The following NBEA variants were observed in gnomAD, a reference collection of about 807,000 sequenced individuals.
The protein encoded by NBEA is lysosomal-trafficking regulator 2.
NBEA carries 44 observed loss-of-function variants against 343.4 expected under a neutral mutation model. That is an observed-to-expected ratio of 0.13 (90% CI 0.10 to 0.16). The LOEUF (loss-of-function observed/expected upper bound fraction) is 0.16, where lower values mean the gene tolerates loss of function less well. NBEA is among the 10% of genes least tolerant of loss of function. The pLI, the probability that NBEA is intolerant of heterozygous loss-of-function variation, is 1.00. For synonymous variants in NBEA, 1,175 were observed against 1,238.7 expected (o/e 0.95, Z 1.08); for missense variants, 2,555 against 3,631.3 (o/e 0.70, Z 7.62).
Position 35,184,001 on chromosome 13 carries a change from T to C in NBEA, c.4857T>C (p.His1619=). 6.2e-7 allele frequency: 1 copy of C among 1,611,662 alleles called. No individual in the cohort carries two copies. The highest frequency in any genetic ancestry group is 8.5e-7 in the Non-Finnish European group (1 of 1,178,502). ...TTGTGGTCATACCATCTATCCCTCA[T>C]CCAAGTTTGAACCATGGATTCCTTG... is the stretch of plus-strand genomic sequence containing the variant. ...STVVVIPSIP[H]PSLNHGFLAK... is the part of the protein sequence containing the mutation. The change falls in exon 30 of 59, where the codon CAT becomes CAC. Residue 1619 remains histidine, a synonymous_variant. Transcript: ENST00000379939.
At chr13:35,440,866 G>A (rs951236862) in intron 39 of NBEA, among the ~76,000 whole-genome samples, 1 of 152,092 alleles carries the variant, frequency 6.6e-6, no homozygotes, top group Non-Finnish European at 1.5e-5. Flanking sequence ...GGGCATTACC[G>A]AACATTTCCC....
chr13:35,136,224 G>A (rs1278751751), intron 17 of NBEA, among the ~76,000 whole-genome samples: 1 of 152,116 alleles, frequency 6.6e-6, no homozygotes, highest in African/African-American at 2.4e-5. Flanking sequence ...TCCCTACAAA[G>A]CCAACGGAAT....
At chr13:35,489,214 A>G (rs529099152) in intron 41 of NBEA, among the ~76,000 whole-genome samples, 10 of 151,992 alleles carry the variant, frequency 6.6e-5, no homozygotes, top group African/African-American at 2.4e-4. Flanking sequence ...GGAATAAAGA[A>G]GTCCAGTGCG....
At chr13:35,577,611 T>C (rs1341986915) in intron 45 of NBEA, among the ~76,000 whole-genome samples, 1 of 152,040 alleles carries the variant, frequency 6.6e-6, no homozygotes, top group East Asian at 1.9e-4. Context: ...GATTTTTGCA[T>C]AAAATTTTTT....
chr13:35,021,333 G>A (rs1446604327), intron 1 of NBEA, among the ~76,000 whole-genome samples: 1 of 152,138 alleles, frequency 6.6e-6, no homozygotes, highest in Non-Finnish European at 1.5e-5. Flanking sequence ...ATGTGGCCTT[G>A]CAAGAAAAAG....
intron 34 of NBEA, among the ~76,000 whole-genome samples, chr13:35,239,097 T>A (rs1445244998): frequency 1.3e-5 from 2 of 152,062 alleles, no homozygotes; most frequent in Non-Finnish European, 2.9e-5. Flanking sequence ...GAAAATTGGG[T>A]AAATGGAAAA....
rs76878026 is a variant in NBEA, at chr13:35,008,588, A to G, written c.295-32345A>G. Reference sequence around the variant, plus strand: ...ATACACAGAGACTCTATGCATACAGAGGGCATAATGCAGCTCTGTATTTAC... The same window carrying G: ...ATACACAGAGACTCTATGCATACAGGGGGCATAATGCAGCTCTGTATTTAC... On this transcript the variant is annotated intron_variant, in intron 1 of 58. Transcript: ENST00000379939. Among the ~76,000 whole-genome samples the G allele has an allele frequency of 2.2e-3, 341 of 152,322 alleles. 1 individual carries two copies. Among genetic ancestry groups the G allele is most frequent in the African/African-American group, 7.8e-3 (325 of 41,574 alleles).
chr13:35,610,915 A>G (rs923421081), intron 48 of NBEA, among the ~76,000 whole-genome samples: 21 of 152,210 alleles, frequency 1.4e-4, no homozygotes, highest in Admixed American at 1.2e-3. Context: ...CGAAGAAGAT[A>G]TGTAGATGGC....
Position 35,539,915 on chromosome 13 carries a change from C to CAAA in NBEA, c.6586-10537_6586-10535dup, listed in dbSNP as rs71081262. Among the ~76,000 whole-genome samples, 71 of 39,612 alleles carry CAAA rather than the reference C, an allele frequency of 1.8e-3. 14 individuals carry two copies. The highest frequency in any genetic ancestry group is 8.1e-3 in the African/African-American group (66 of 8,120). The allele number at this position is 39,612 out of a possible 152,430, so 26.0% of individuals were successfully genotyped here. Reference sequence around the variant, plus strand: ...TGGGCGACAGAGCAAGACTCCGTCTCAAAAAAAAAAAAAAAAAAAAAAAAA... The same window carrying CAAA: ...TGGGCGACAGAGCAAGACTCCGTCTCAAAAAAAAAAAAAAAAAAAAAAAAAAAA... On this transcript the variant is annotated intron_variant, in intron 41 of 58. Coordinates refer to ENST00000379939, the MANE Select transcript of NBEA (RefSeq NM_001385012.1).
At chr13:35,418,601 G>A (rs1408551360) in intron 38 of NBEA, among the ~76,000 whole-genome samples, 14 of 152,002 alleles carry the variant, frequency 9.2e-5, no homozygotes, top group Admixed American at 9.2e-4. Flanking sequence ...TAGAAAGAAG[G>A]ATGGAAAGAA....
chr13:35,414,673 T>C (rs2043796126), intron 38 of NBEA, among the ~76,000 whole-genome samples: 1 of 152,210 alleles, frequency 6.6e-6, no homozygotes, highest in South Asian at 2.1e-4. Flanking sequence ...CTATTGTGAA[T>C]AGTGCCACAA....
rs1359533086 is a variant in NBEA at position 35,069,132 on chromosome 13, CTT to C, written c.1240-775_1240-774del. ...TGAATATGGAGTATAAATCAGAAGA[CTT>C]AGAATTACGTGCTGGCCCCTTCTAC... is the stretch of plus-strand genomic sequence containing the variant. On this transcript the variant is annotated intron_variant, in intron 8 of 58. Coordinates refer to ENST00000379939, the MANE Select transcript of NBEA (RefSeq NM_001385012.1). 4.6e-5 allele frequency among the ~76,000 whole-genome samples: 7 copies of C among 152,222 alleles called. No homozygotes were observed. In the East Asian group the frequency reaches 1.2e-3, roughly 25 times the overall value.
intron 1 of NBEA, among the ~76,000 whole-genome samples, chr13:34,966,409 G>T (rs1412931173): frequency 6.6e-6 from 1 of 151,952 alleles, no homozygotes; most frequent in Non-Finnish European, 1.5e-5. Context: ...GTTTCTCTTA[G>T]GTCTTTTATA....
chr13:35,372,142 G>A (rs2041468246), intron 38 of NBEA, among the ~76,000 whole-genome samples: 2 of 152,228 alleles, frequency 1.3e-5, no homozygotes, highest in South Asian at 4.1e-4. Flanking sequence ...CAGGTGGGTA[G>A]ATGGGCAGAT....
intron 55 of NBEA, among the ~76,000 whole-genome samples, chr13:35,664,643 G>A (rs2085263130): frequency 1.3e-5 from 2 of 152,180 alleles, no homozygotes; most frequent in Non-Finnish European, 2.9e-5. Flanking sequence ...CCAACCCTTA[G>A]CTGTATGAAC....
chr13:35,348,337 A>G (rs1044367603), intron 36 of NBEA, among the ~76,000 whole-genome samples: 1 of 152,076 alleles, frequency 6.6e-6, no homozygotes, highest in African/African-American at 2.4e-5. Context: ...ATATATTTGT[A>G]TTTTTATTTA....
chr13:35,534,484 A>G (rs1480311369), intron 41 of NBEA, among the ~76,000 whole-genome samples: 1 of 152,146 alleles, frequency 6.6e-6, no homozygotes, highest in African/African-American at 2.4e-5. Context: ...AGTGCTCTCA[A>G]TGGCATCACA....
chr13:35,598,806 T>C (rs968010644), intron 47 of NBEA, among the ~76,000 whole-genome samples: 4 of 152,192 alleles, frequency 2.6e-5, no homozygotes, highest in African/African-American at 9.6e-5. Context: ...CATATTTTAC[T>C]TGTAGCACCT....
intron 38 of NBEA, among the ~76,000 whole-genome samples, chr13:35,385,881 T>G (rs1009694060): frequency 6.6e-6 from 1 of 152,166 alleles, no homozygotes; most frequent in Non-Finnish European, 1.5e-5. Flanking sequence ...TGGAGCTTAA[T>G]AAATAACATT....
Sources: gnomAD v4.1 joint callset for allele counts (sites outside exome capture counted in the v4.1 genomes callset) on GRCh38, gnomAD v4.1.1 for gene constraint, MANE v1.5 for transcripts, NCBI Gene and HGNC (gene_info 2026-07-23, HGNC 2026-07-21) for gene names.